Variants in ZNF266 observed in about 807,000 individuals in gnomAD.
ZNF266 encodes zinc finger protein 266.
In ZNF266, 16 loss-of-function variants were observed where a neutral mutation model predicts 16.4. The ratio of observed to expected loss-of-function variants is 0.98; its 90% CI spans 0.66 to 1.48. ZNF266 has a LOEUF of 1.48. Ranked by LOEUF, ZNF266 falls within the 40% of genes most tolerant of loss-of-function variation. ZNF266 has a pLI of 0.00. For missense variants in ZNF266, 738 were observed against 689.1 expected (o/e 1.07, Z -0.79); for synonymous variants, 262 against 237.9 (o/e 1.10, Z -0.93).
Position 9,417,880 on chromosome 19 carries a change from G to C in ZNF266, c.264C>G (p.Ile88Met). The change falls in exon 9 of 11, where the codon ATC (isoleucine) becomes ATG (methionine). Residue 88 changes from isoleucine to methionine, a missense_variant. Ile to Met is a conservative substitution (Grantham distance 10). Transcript: ENST00000592904. The stretch of plus-strand genomic sequence containing the variant: ...TAGACTCTTCTTGTTCCAGCCAAGA[G>C]ATCAGACTGGGTTTGAAGAGCTGAT... Reference protein sequence around the residue: ...VGYQLFKPSLISWLEQEESRT... With the variant: ...VGYQLFKPSLMSWLEQEESRT... The C allele has an allele frequency of 1.2e-6, 2 of 1,614,140 alleles. No homozygotes were observed. The highest frequency in any genetic ancestry group is 1.7e-6 in the Non-Finnish European group (2 of 1,180,004).
intron 5 of ZNF266, among the ~76,000 whole-genome samples, chr19:9,424,157 T>C (rs1228027875): frequency 6.7e-6 from 1 of 148,916 alleles, no homozygotes; most frequent in African/African-American, 2.5e-5. Context: ...ATGGTTCTAA[T>C]GCATTGGAAC....
Position 9,414,415 on chromosome 19 carries a change from G to A in ZNF266, c.711C>T (p.His237=). 1 of 1,614,146 alleles carries A rather than the reference G, an allele frequency of 6.2e-7. No individual in the cohort carries two copies. The highest frequency in any genetic ancestry group is 8.5e-7 in the Non-Finnish European group (1 of 1,180,016). Residue 237 remains histidine, a synonymous_variant, in exon 11 of 11, where the codon CAC becomes CAT. Coordinates refer to ENST00000592904, the MANE Select transcript of ZNF266 (RefSeq NM_001370374.1). ...TGTGAGTTCTTAAATGTCCCTGAAG[G>A]TGTGAATGATTAATGAAGGATTTCC... ...DSGKSFINHS[H]LQGHLRTHNG... is the part of the protein sequence containing the mutation.
At chr19:9,414,804 G>A in intron 10 of ZNF266, 84 bp from the exon 11 acceptor site, 1 of 1,386,994 alleles carries the variant, frequency 7.2e-7, no homozygotes, top group Non-Finnish European at 9.6e-7. Context: ...GGAACACTGT[G>A]ATGATTATTA....
intron 5 of ZNF266, among the ~76,000 whole-genome samples, chr19:9,431,246 A>G (rs1363018833): frequency 2.0e-5 from 3 of 152,158 alleles, no homozygotes; most frequent in African/African-American, 4.8e-5. Context: ...TCCACGCCAT[A>G]TGCCCATAAC....
intron 10 of ZNF266, among the ~76,000 whole-genome samples, chr19:9,415,355 G>A (rs2068823757): frequency 1.3e-5 from 2 of 152,184 alleles, no homozygotes; most frequent in Non-Finnish European, 2.9e-5. Flanking sequence ...ATCGTATTCT[G>A]AGTCTCTCTC....
intron 2 of ZNF266, 29 bp from the exon 3 acceptor site, chr19:9,434,888 G>A (rs928050979): frequency 6.6e-5 from 10 of 152,096 alleles, no homozygotes; most frequent in Admixed American, 2.0e-4. Flanking sequence ...AAGAATAGCT[G>A]AGTATTCTTG....
In ZNF266 at chr19:9,418,596, G is replaced by T; in HGVS notation, c.144C>A (p.Phe48Leu). The T allele has an allele frequency of 1.3e-6, 2 of 1,563,554 alleles. No homozygotes were observed. Among genetic ancestry groups the T allele is most frequent in the Non-Finnish European group, 1.8e-6 (2 of 1,134,072 alleles). ...SVTFDDLAVD[F>L]TPEEWTLLDP... ...CCAGTAAAGTCCATTCTTCTGGGGT[G>T]AAGTCCACAGCCAGATCATCAAAAG... The change falls in exon 8 of 11, where the codon TTC (phenylalanine) becomes TTA (leucine). Residue 48 changes from phenylalanine to leucine, a missense_variant. By Grantham distance (22) the Phe-to-Leu change is conservative. Coordinates refer to ENST00000592904, the MANE Select transcript of ZNF266 (RefSeq NM_001370374.1).
Position 9,414,642 on chromosome 19 carries a change from T to C in ZNF266, c.484A>G (p.Thr162Ala), listed in dbSNP as rs372189248. 104 of 1,606,222 alleles carry C rather than the reference T, an allele frequency of 6.5e-5. No homozygotes were observed. Among genetic ancestry groups the C allele is most frequent in the Non-Finnish European group, 8.3e-5 (97 of 1,173,340 alleles). ...DVSSEHSCLK[T>A]HVRTQNSENT... ...TCACTATTTTGAGTTCTCACATGTG[T>C]CTTAAGGCATGAGTGTTCACTGGAG... Residue 162 changes from threonine (T) to alanine (A), a missense_variant, in exon 11 of 11, where the codon ACA (threonine) becomes GCA (alanine). Coordinates refer to ENST00000592904, the MANE Select transcript of ZNF266 (RefSeq NM_001370374.1).
intron 10 of ZNF266, 40 bp downstream of exon 10, chr19:9,415,614 T>C (rs1204013210): frequency 1.3e-6 from 2 of 1,505,488 alleles, no homozygotes; most frequent in Non-Finnish European, 1.8e-6. Context: ...CCCAATCATC[T>C]CTAAATGTGA....
rs200178385 is a variant in ZNF266 at position 9,413,744 on chromosome 19, C to T, written c.1382G>A (p.Arg461His). ...ECGKAFARSS[R>H]LSEHTRTHTG... ...GTGAGTTCTTGTATGTTCACTAAGGCGAGAGGATCTGGCAAAGGCCTTTCC... is the reference window on the plus strand; with the variant it reads ...GTGAGTTCTTGTATGTTCACTAAGGTGAGAGGATCTGGCAAAGGCCTTTCC... The change falls in exon 11 of 11, where the codon CGC (arginine) becomes CAC (histidine). Residue 461 changes from arginine (R) to histidine (H), a missense_variant. Transcript: ENST00000592904. The T allele has an allele frequency of 5.8e-4, 929 of 1,613,704 alleles. 4 individuals carry two copies. Among genetic ancestry groups the T allele is most frequent in the East Asian group, 2.6e-3 (116 of 44,792 alleles).
chr19:9,424,091 G>A (rs756648215), intron 5 of ZNF266, among the ~76,000 whole-genome samples: 1 of 152,160 alleles, frequency 6.6e-6, no homozygotes, highest in Non-Finnish European at 1.5e-5. Flanking sequence ...GAGCACTGCT[G>A]GTCTGGAGAT....
intron 5 of ZNF266, among the ~76,000 whole-genome samples, chr19:9,430,781 C>A (rs1385682391): frequency 6.6e-6 from 1 of 152,182 alleles, no homozygotes; most frequent in Non-Finnish European, 1.5e-5. Context: ...GTTCTCCCCA[C>A]TGCTCAGGTC....
rs1398952868 is a variant in ZNF266 at position 9,416,508 on chromosome 19, C to T, written c.317-766G>A. Among the ~76,000 whole-genome samples, 4 of 144,024 alleles carry T rather than the reference C, an allele frequency of 2.8e-5. No individual in the cohort carries two copies. In the East Asian group the frequency reaches 8.4e-4, roughly 30 times the overall value. 94.5% of individuals were successfully genotyped at this position (144,024 alleles called of 152,430 possible). On this transcript the variant is annotated intron_variant, in intron 9 of 10. Transcript: ENST00000592904. ...CCTCCCGAGTAGCTGGGATTACAGG[C>T]ACCTACCACCAAGCCCAGCTAATTT...
At chr19:9,428,366 C>T (rs2071081736) in intron 5 of ZNF266, among the ~76,000 whole-genome samples, 1 of 152,224 alleles carries the variant, frequency 6.6e-6, no homozygotes, top group Non-Finnish European at 1.5e-5. Context: ...TGTTCTCAGT[C>T]CCTTGCCTGA....
intron 7 of ZNF266, 23 bp from the exon 8 acceptor site, chr19:9,418,654 G>T (rs2069417639): frequency 1.7e-6 from 2 of 1,179,260 alleles, no homozygotes; most frequent in African/African-American, 1.5e-5. Flanking sequence ...ACACATGCTG[G>T]CTTGAGCCAC....
intron 9 of ZNF266, among the ~76,000 whole-genome samples, chr19:9,416,413 G>T (rs1301973866): frequency 6.7e-6 from 1 of 149,406 alleles, no homozygotes. Context: ...ACTCAGGCTG[G>T]AGTGCAATAG....
chr19:9,421,984 G>A (rs1011441064), intron 5 of ZNF266, among the ~76,000 whole-genome samples: 2 of 152,088 alleles, frequency 1.3e-5, no homozygotes, highest in African/African-American at 4.8e-5. Context: ...CCGAGTAGCT[G>A]GGACTATAGG....
At chr19:9,432,272 A>T (rs1293969165) in intron 5 of ZNF266, among the ~76,000 whole-genome samples, 1 of 152,168 alleles carries the variant, frequency 6.6e-6, no homozygotes, top group Non-Finnish European at 1.5e-5. Flanking sequence ...TTTTATCTTG[A>T]TACACATAGT....
Position 9,418,588 on chromosome 19 carries a change from T to A in ZNF266, c.152A>T (p.Glu51Val). 1 of 1,597,690 alleles carries A rather than the reference T, an allele frequency of 6.3e-7. No homozygotes were observed. The highest frequency in any genetic ancestry group is 8.6e-7 in the Non-Finnish European group (1 of 1,164,960). ...FDDLAVDFTP[E>V]EWTLLDPTQR... ...AGTTGGGTCCAGTAAAGTCCATTCT[T>A]CTGGGGTGAAGTCCACAGCCAGATC... Residue 51 changes from glutamate to valine, a missense_variant, in exon 8 of 11, where the codon GAA (glutamate) becomes GTA (valine). By Grantham distance (121) the Glu-to-Val change is moderately radical. Transcript: ENST00000592904.
Sources: gnomAD v4.1 joint callset for allele counts (sites outside exome capture counted in the v4.1 genomes callset) on GRCh38, gnomAD v4.1.1 for gene constraint, MANE v1.5 for transcripts, NCBI Gene and HGNC (gene_info 2026-07-23, HGNC 2026-07-21) for gene names.